GUCY2C: variants seen among roughly 807,000 people sequenced by gnomAD.
The protein encoded by GUCY2C is guanylyl cyclase C.
Under a neutral mutation model 131.1 loss-of-function variants are expected in GUCY2C, and 118 were observed. That is an observed-to-expected ratio of 0.90 (90% CI 0.78 to 1.05). The LOEUF (loss-of-function observed/expected upper bound fraction) is 1.05. Among genes scored for constraint, GUCY2C ranks in the 50% least tolerant of loss-of-function variants. The probability of loss-of-function intolerance (pLI) is 0.00; values close to 1 mark genes in which losing one functional copy is unlikely to be tolerated. For missense variants in GUCY2C, 1,161 were observed against 1,304.4 expected (o/e 0.89, Z 1.69); for synonymous variants, 452 against 457.8 (o/e 0.99, Z 0.16).
chr12:14,613,171 G>A lies in GUCY2C; in HGVS notation c.3168C>T (p.Gly1056=). 1 of 1,613,442 alleles carries A rather than the reference G, an allele frequency of 6.2e-7. No homozygotes were observed. The highest frequency in any genetic ancestry group is 8.5e-7 in the Non-Finnish European group (1 of 1,179,516). Reference sequence around the variant, plus strand: ...TATTCAGCTGCAAGTATTCCAGAGTGCCTTTTTTATAGCTGGCTACCCGTC... The same window carrying A: ...TATTCAGCTGCAAGTATTCCAGAGTACCTTTTTTATAGCTGGCTACCCGTC... ...KPRRVASYKK[G]TLEYLQLNTT... is the part of the protein sequence containing the mutation. Residue 1056 remains glycine, a synonymous_variant, in exon 27 of 27, where the codon GGC becomes GGT. Coordinates refer to ENST00000261170, the MANE Select transcript of GUCY2C (RefSeq NM_004963.4). This position sits in a 1 kb window ranked among gnomAD's most constrained non-coding sequence, Gnocchi z 4.9.
chr12:14,646,168 A>G (rs1947520003), intron 15 of GUCY2C, among the ~76,000 whole-genome samples: 1 of 152,200 alleles, frequency 6.6e-6, no homozygotes, highest in Non-Finnish European at 1.5e-5. Context: ...CTATTTTAAT[A>G]TGATGATGGT....
intron 10 of GUCY2C, chr12:14,665,676 A>C (rs1450503387): frequency 6.6e-6 from 1 of 152,220 alleles, no homozygotes; most frequent in Non-Finnish European, 1.5e-5. Flanking sequence ...CCAAATCTGC[A>C]TTGTCCATTG....
At position 14,613,972 on chromosome 12, in the gene GUCY2C, A is replaced by C. The variant is rs1433074086; in HGVS notation, c.3048-681T>G. 1.3e-5 allele frequency among the ~76,000 whole-genome samples: 2 copies of C among 152,142 alleles called. No homozygotes were observed. Among genetic ancestry groups the C allele is most frequent in the Admixed American group, 1.3e-4 (2 of 15,264 alleles). On this transcript the variant is annotated intron_variant, in intron 26 of 26. Coordinates refer to ENST00000261170, the MANE Select transcript of GUCY2C (RefSeq NM_004963.4). This position sits in a 1 kb window ranked among gnomAD's most constrained non-coding sequence, Gnocchi z 4.9. ...TTAACCCTGAAACTTTGTCTTCCTC[A>C]TCTCAGGGAGAACACAGACTTCATG... is the stretch of plus-strand genomic sequence containing the variant.
rs2136971049 is a variant in GUCY2C, at chr12:14,616,702, G to A, written c.2901C>T (p.Ser967=). 2.5e-6 allele frequency: 4 copies of A among 1,604,540 alleles called. No homozygotes were observed. Among genetic ancestry groups the A allele is most frequent in the Non-Finnish European group, 3.4e-6 (4 of 1,171,476 alleles). ...CAGTTCTCTTCAGGATGGCTATGGT[G>A]GAGCCACTCACGTGAATTCTCAAAG... ...GLPLRIHVSG[S]TIAILKRTEC... is the part of the protein sequence containing the mutation. Residue 967 remains serine, a synonymous_variant, in exon 25 of 27, where the codon TCC becomes TCT. Transcript: ENST00000261170.
chr12:14,652,314 A>G (rs1024452621), intron 13 of GUCY2C, among the ~76,000 whole-genome samples: 3 of 152,108 alleles, frequency 2.0e-5, no homozygotes, highest in Non-Finnish European at 1.5e-5. Context: ...AGCTGGGACT[A>G]CAGGCATGCA....
At chr12:14,680,071 A>C (rs1948319433) in intron 5 of GUCY2C, among the ~76,000 whole-genome samples, 1 of 152,116 alleles carries the variant, frequency 6.6e-6, no homozygotes, top group Admixed American at 6.6e-5. Flanking sequence ...AGTCAAGTTC[A>C]GTGCTTATTC....
chr12:14,613,424 A>G lies in GUCY2C; in HGVS notation c.3048-133T>C. The G allele has an allele frequency of 2.9e-6, 2 of 688,082 alleles. No individual in the cohort carries two copies. The highest frequency in any genetic ancestry group is 2.5e-5 in the Admixed American group (1 of 40,160). 42.6% of individuals were successfully genotyped at this position (688,082 alleles called of 1,614,324 possible). The stretch of plus-strand genomic sequence containing the variant: ...ATTCTGTGCTAGACACAGGAAATCC[A>G]AAGAATACAAAATGATCCCTGCCTT... On this transcript the variant is annotated intron_variant, in intron 26 of 26. Coordinates refer to ENST00000261170, the MANE Select transcript of GUCY2C (RefSeq NM_004963.4). The surrounding 1 kb of genome is among the most constrained non-coding windows in gnomAD (Gnocchi z 4.9).
rs986774158 is a variant in GUCY2C at position 14,630,098 on chromosome 12, T to C, written c.2158-1361A>G. ...TCATCTGCTACCACCTGTTTGCAGC[T>C]TTTTTTTTTTTAAATCAAAATGTGT... On this transcript the variant is annotated intron_variant, in intron 19 of 26. Coordinates refer to ENST00000261170, the MANE Select transcript of GUCY2C (RefSeq NM_004963.4). 2.4e-4 allele frequency among the ~76,000 whole-genome samples: 31 copies of C among 131,770 alleles called. 1 individual carries two copies. Among genetic ancestry groups the C allele is most frequent in the Admixed American group, 1.7e-3 (24 of 13,858 alleles). 86.4% of individuals were successfully genotyped at this position (131,770 alleles called of 152,430 possible). A position where few individuals can be genotyped will look rare whatever the true frequency, so the allele number is the denominator to read the frequency against.
At chr12:14,619,162 C>T in intron 24 of GUCY2C, 49 bp downstream of exon 24, 2 of 1,106,658 alleles carry the variant, frequency 1.8e-6, no homozygotes, top group Non-Finnish European at 2.8e-6. Context: ...TTGCCCTCTG[C>T]TGGAAAACAG....
intron 10 of GUCY2C, among the ~76,000 whole-genome samples, chr12:14,663,621 G>A (rs963940038): frequency 6.6e-6 from 1 of 152,102 alleles, no homozygotes; most frequent in Non-Finnish European, 1.5e-5. Flanking sequence ...AATTGATGTA[G>A]GTGCCCCGAA....
At chr12:14,631,544 T>C (rs1048480599) in intron 19 of GUCY2C, among the ~76,000 whole-genome samples, 3 of 152,158 alleles carry the variant, frequency 2.0e-5, no homozygotes, top group African/African-American at 7.2e-5. Flanking sequence ...TCCATGTCCC[T>C]ACAAAGGACA....
chr12:14,679,253 A>G (rs1237314522), intron 6 of GUCY2C, among the ~76,000 whole-genome samples: 1 of 151,980 alleles, frequency 6.6e-6, no homozygotes, highest in Non-Finnish European at 1.5e-5. Flanking sequence ...TTTAATAGAG[A>G]TGGGGTCTCA....
At chr12:14,676,813 A>C in intron 7 of GUCY2C, 41 bp downstream of exon 7, 1 of 592,798 alleles carries the variant, frequency 1.7e-6, no homozygotes, top group East Asian at 3.9e-5. Flanking sequence ...AAATAAAATA[A>C]TAATATATAA....
Position 14,645,660 on chromosome 12 carries a change from A to G in GUCY2C, c.1711-345T>C, listed in dbSNP as rs1409970736. 2.0e-5 allele frequency among the ~76,000 whole-genome samples: 3 copies of G among 152,136 alleles called. No individual in the cohort carries two copies. In the East Asian group the frequency reaches 5.8e-4, roughly 29 times the overall value. The stretch of plus-strand genomic sequence containing the variant: ...ATCTAAATTGGACCCATGTTTTAAA[A>G]CAGGCAATTGCTATAAGAAAATTCC... On this transcript the variant is annotated intron_variant, in intron 15 of 26. Transcript: ENST00000261170.
At chr12:14,670,350 C>A (rs1322274803) in intron 9 of GUCY2C, among the ~76,000 whole-genome samples, 2 of 151,350 alleles carry the variant, frequency 1.3e-5, no homozygotes, top group Non-Finnish European at 2.9e-5. Flanking sequence ...ATTTTCTAAT[C>A]TCTTCTATTC....
chr12:14,694,981 TATC>T (rs1216034232), intron 1 of GUCY2C, among the ~76,000 whole-genome samples: 1 of 152,216 alleles, frequency 6.6e-6, no homozygotes, highest in Non-Finnish European at 1.5e-5. Flanking sequence ...ATATATATCT[TATC>T]ATATATATCC....
At chr12:14,677,736 ATT>A (rs67108274) in intron 6 of GUCY2C, among the ~76,000 whole-genome samples, 2 of 134,042 alleles carry the variant, frequency 1.5e-5, no homozygotes, top group African/African-American at 2.8e-5. Flanking sequence ...ACGCCCAGCT[ATT>A]TTTTTTTTTT....
At position 14,659,050 on chromosome 12, in the gene GUCY2C, C is replaced by CT. The variant is rs566631025; in HGVS notation, c.1364+1930dup. ...CCTACCTTACCAACATCATTTCTTT[C>CT]TTTTTTTTTTTTTGAGACGGAGTCT... On this transcript the variant is annotated intron_variant, in intron 11 of 26. Transcript: ENST00000261170. 1.6e-3 allele frequency among the ~76,000 whole-genome samples: 226 copies of CT among 143,986 alleles called. 1 individual carries two copies. The highest frequency in any genetic ancestry group is 2.8e-3 in the African/African-American group (110 of 39,762). The allele number at this position is 143,986 out of a possible 152,430, so 94.5% of individuals were successfully genotyped here.
At chr12:14,634,772 T>C (rs1947226421) in intron 19 of GUCY2C, among the ~76,000 whole-genome samples, 1 of 152,170 alleles carries the variant, frequency 6.6e-6, no homozygotes. Flanking sequence ...TGGAAAGATA[T>C]TCCATGCAAA....
Sources: gnomAD v4.1 joint callset for allele counts (sites outside exome capture counted in the v4.1 genomes callset) on GRCh38, gnomAD v4.1.1 for gene constraint, Gnocchi (gnomAD v3.1) non-coding constraint, MANE v1.5 for transcripts, NCBI Gene and HGNC (gene_info 2026-07-23, HGNC 2026-07-21) for gene names.